The following ARHGEF26 variants were observed in gnomAD, a reference collection of about 807,000 sequenced individuals.
The protein encoded by ARHGEF26 is Rho guanine nucleotide exchange factor 26, also known as Rho guanine nucleotide exchange factor (GEF) 26.
Under a neutral mutation model 89.4 loss-of-function variants are expected in ARHGEF26, and 59 were observed. The ratio of observed to expected loss-of-function variants is 0.66; its 90% CI spans 0.54 to 0.82. The LOEUF is 0.82. Among genes scored for constraint, ARHGEF26 ranks in the 40% least tolerant of loss-of-function variants. The probability of loss-of-function intolerance (pLI) is 0.00; values close to 1 mark genes in which losing one functional copy is unlikely to be tolerated. For missense variants in ARHGEF26, 1,234 were observed against 1,085.6 expected (o/e 1.14, Z -1.92); for synonymous variants, 500 against 428.4 (o/e 1.17, Z -2.06).
chr3:154,176,272 G>T (rs1712811911), intron 6 of ARHGEF26, among the ~76,000 whole-genome samples: 2 of 152,336 alleles, frequency 1.3e-5, no homozygotes, highest in Admixed American at 6.5e-5. Flanking sequence ...GGCAGAAAGT[G>T]AGGCTGGAGA....
intron 6 of ARHGEF26, among the ~76,000 whole-genome samples, chr3:154,154,103 G>GTA (rs1041715496): frequency 1.3e-5 from 2 of 152,038 alleles, no homozygotes; most frequent in African/African-American, 4.8e-5. Flanking sequence ...AAAGGGAAAG[G>GTA]TACATCCATC....
chr3:154,223,556 G>A (rs1232463200), intron 10 of ARHGEF26, among the ~76,000 whole-genome samples: 1 of 152,118 alleles, frequency 6.6e-6, no homozygotes, highest in Non-Finnish European at 1.5e-5. Flanking sequence ...GATGAACCTT[G>A]GAAATGTTAT....
intron 12 of ARHGEF26, among the ~76,000 whole-genome samples, chr3:154,246,933 T>A (rs1023440429): frequency 6.6e-6 from 1 of 152,132 alleles, no homozygotes; most frequent in Non-Finnish European, 1.5e-5. Flanking sequence ...GTACGTGCAG[T>A]GAGTTGTTAG....
intron 6 of ARHGEF26, among the ~76,000 whole-genome samples, chr3:154,185,336 G>A (rs1174164580): frequency 6.6e-6 from 1 of 152,134 alleles, no homozygotes; most frequent in East Asian, 1.9e-4. Flanking sequence ...GCAGATGCAA[G>A]TATTGGGTCC....
In ARHGEF26 at chr3:154,152,766, TACCAGG is replaced by T; in HGVS notation, c.1327-5_1327del. ...TAATAATACATTTCTTTTTCCTTCT[TACCAGG>T]CTATCTTTGAAGTCATATCCTCTGA... is the stretch of plus-strand genomic sequence containing the variant. On this transcript the variant is annotated splice_acceptor_variant and splice_polypyrimidine_tract_variant and coding_sequence_variant and intron_variant, in exon 6 of 15. Transcript: ENST00000465093. LOFTEE classifies it high-confidence loss of function. 1 of 1,470,596 alleles carries T rather than the reference TACCAGG, an allele frequency of 6.8e-7. No individual in the cohort carries two copies. The highest frequency in any genetic ancestry group is 9.0e-7 in the Non-Finnish European group (1 of 1,109,946). 91.1% of individuals were successfully genotyped at this position (1,470,596 alleles called of 1,614,324 possible).
intron 9 of ARHGEF26, among the ~76,000 whole-genome samples, chr3:154,196,409 C>T (rs753747555): frequency 2.6e-5 from 4 of 152,106 alleles, no homozygotes; most frequent in Non-Finnish European, 5.9e-5. Context: ...GCATCAGAAG[C>T]TTCCTAAATG....
intron 3 of ARHGEF26, among the ~76,000 whole-genome samples, chr3:154,127,389 C>T (rs1376923131): frequency 9.9e-5 from 15 of 151,990 alleles, no homozygotes; most frequent in Non-Finnish European, 1.8e-4. Flanking sequence ...TTCATTTTTA[C>T]TTTTTAAATT....
chr3:154,207,176 A>G (rs960526515), intron 9 of ARHGEF26, among the ~76,000 whole-genome samples: 2 of 152,336 alleles, frequency 1.3e-5, no homozygotes, highest in Middle Eastern at 3.4e-3. Flanking sequence ...TGGTCATACC[A>G]TTCGGGACAT....
intron 9 of ARHGEF26, among the ~76,000 whole-genome samples, chr3:154,214,822 C>T (rs1041916267): frequency 3.3e-5 from 5 of 152,156 alleles, no homozygotes; most frequent in Non-Finnish European, 7.4e-5. Flanking sequence ...GCTCCTGTCT[C>T]ACACCTAGAT....
At chr3:154,247,237 C>T (rs1717852223) in intron 12 of ARHGEF26, among the ~76,000 whole-genome samples, 1 of 152,142 alleles carries the variant, frequency 6.6e-6, no homozygotes, top group Admixed American at 6.5e-5. Flanking sequence ...AACCAAACAT[C>T]AACACTGCCC....
chr3:154,241,042 C>A (rs1030800172), intron 12 of ARHGEF26, among the ~76,000 whole-genome samples: 4 of 152,140 alleles, frequency 2.6e-5, no homozygotes, highest in Non-Finnish European at 4.4e-5. Flanking sequence ...ACCCAGTTTA[C>A]GGAAATATAC....
In ARHGEF26 at chr3:154,122,602, C is replaced by A; in HGVS notation, c.610C>A (p.Pro204Thr). 1 of 1,613,756 alleles carries A rather than the reference C, an allele frequency of 6.2e-7. No homozygotes were observed. Among genetic ancestry groups the A allele is most frequent in the Non-Finnish European group, 8.5e-7 (1 of 1,179,892 alleles). Reference protein sequence around the residue: ...KAKDPERGLFPGPQKSSSEQK... With the variant: ...KAKDPERGLFTGPQKSSSEQK... Reference sequence around the variant, plus strand: ...AAAGGACCCCGAACGGGGGCTCTTTCCTGGGCCCCAGAAAAGTTCTTCGGA... The same window carrying A: ...AAAGGACCCCGAACGGGGGCTCTTTACTGGGCCCCAGAAAAGTTCTTCGGA... The change falls in exon 2 of 15, where the codon CCT (proline) becomes ACT (threonine). Residue 204 changes from proline (P) to threonine (T), a missense_variant. Pro to Thr is a conservative substitution (Grantham distance 38, BLOSUM62 -1). Transcript: ENST00000465093.
Position 154,257,002 on chromosome 3 carries a change from C to A in ARHGEF26, c.*1529C>A. ...TATTTGCTTTAACAAAGGGATAAAA[C>A]CTGGCAAAGTGTACATTATTGGAGG... On this transcript the variant is annotated 3_prime_UTR_variant, in exon 15 of 15. Coordinates refer to ENST00000465093, the MANE Select transcript of ARHGEF26 (RefSeq NM_015595.4). The A allele has an allele frequency of 6.6e-7, 1 of 1,509,150 alleles. No individual in the cohort carries two copies. Among genetic ancestry groups the A allele is most frequent in the Non-Finnish European group, 8.8e-7 (1 of 1,135,540 alleles). 93.5% of individuals were successfully genotyped at this position (1,509,150 alleles called of 1,614,324 possible). A position where few individuals can be genotyped will look rare whatever the true frequency, so the allele number is the denominator to read the frequency against.
chr3:154,217,802 G>T lies in ARHGEF26; in HGVS notation c.1846-67G>T, dbSNP rs1715864677. On this transcript the variant is annotated intron_variant, in intron 9 of 14. Coordinates refer to ENST00000465093, the MANE Select transcript of ARHGEF26 (RefSeq NM_015595.4). ...CAAGTGGTAATTATTTCCTGTGAGA[G>T]TTCTGCTTTTGAAAGTGAGGTTTCT... 5.7e-6 allele frequency: 7 copies of T among 1,224,932 alleles called. No individual in the cohort carries two copies. The Admixed American group carries it at 1.2e-4, about 21-fold the overall frequency. 75.9% of individuals were successfully genotyped at this position (1,224,932 alleles called of 1,614,324 possible).
chr3:154,150,455 A>C (rs1719954932), intron 5 of ARHGEF26, among the ~76,000 whole-genome samples: 1 of 152,090 alleles, frequency 6.6e-6, no homozygotes, highest in Admixed American at 6.5e-5. Flanking sequence ...ATATTTGTGC[A>C]TGTGTGTTAA....
At chr3:154,153,818 A>G (rs979957079) in intron 6 of ARHGEF26, among the ~76,000 whole-genome samples, 2 of 152,118 alleles carry the variant, frequency 1.3e-5, no homozygotes, top group African/African-American at 2.4e-5. Flanking sequence ...AAATGTTACC[A>G]TACTATAAAC....
At chr3:154,202,248 T>G (rs978432815) in intron 9 of ARHGEF26, among the ~76,000 whole-genome samples, 1 of 152,224 alleles carries the variant, frequency 6.6e-6, no homozygotes, top group Non-Finnish European at 1.5e-5. Flanking sequence ...CCAGCACCAT[T>G]TATTAAATAG....
chr3:154,194,746 A>G (rs1224000943), intron 9 of ARHGEF26, 28 bp downstream of exon 9: 1 of 1,586,576 alleles, frequency 6.3e-7, no homozygotes, highest in Non-Finnish European at 8.6e-7. Context: ...GTTTGTTTGT[A>G]AGACAGGAAA....
chr3:154,133,051 G>A (rs879855094), intron 4 of ARHGEF26, among the ~76,000 whole-genome samples: 1 of 151,834 alleles, frequency 6.6e-6, no homozygotes, highest in African/African-American at 2.4e-5. Flanking sequence ...TCTTTTTATT[G>A]CAAATGCCTG....
Sources: gnomAD v4.1 joint callset for allele counts (sites outside exome capture counted in the v4.1 genomes callset) on GRCh38, gnomAD v4.1.1 for gene constraint, MANE v1.5 for transcripts, NCBI Gene and HGNC (gene_info 2026-07-23, HGNC 2026-07-21) for gene names.